The following PPP2R3B variants were observed in gnomAD, a reference collection of about 807,000 sequenced individuals.
PPP2R3B encodes the protein protein phosphatase 2 regulatory subunit B''beta.
In PPP2R3B, 68 loss-of-function variants were observed where a neutral mutation model predicts 72.9. The observed-to-expected ratio is 0.93, with a 90% CI of 0.77 to 1.14. The LOEUF (loss-of-function observed/expected upper bound fraction) is 1.14. PPP2R3B is among the 50% of genes most tolerant of loss of function. PPP2R3B has a pLI of 0.00. For missense variants in PPP2R3B, 1,018 were observed against 842.0 expected, an observed-to-expected ratio of 1.21 and a Z score of -2.59; for synonymous variants, 466 against 375.8, an observed-to-expected ratio of 1.24 and a Z score of -2.78.
chrX:345,467 G>A (rs1331141040), intron 7 of PPP2R3B, 49 bp downstream of exon 7: 3 of 1,609,214 alleles, frequency 1.9e-6, no homozygotes, highest in Non-Finnish European at 2.5e-6. Flanking sequence ...CTGAGAGAAG[G>A]GTGTGCTCGG....
At chrX:350,146 C>T (rs1185717651) in intron 2 of PPP2R3B, among the ~76,000 whole-genome samples, 1 of 152,196 alleles carries the variant, frequency 6.6e-6, no homozygotes, top group Admixed American at 6.5e-5. Flanking sequence ...CAGTCTCTGT[C>T]GGGCACCGGT....
At chrX:341,543 C>T in intron 8 of PPP2R3B, 147 bp from the exon 9 acceptor site, 1 of 846,096 alleles carries the variant, frequency 1.2e-6, no homozygotes, top group African/African-American at 1.7e-5. Flanking sequence ...TCCTGCCTCT[C>T]CGGGGAGGAG....
chrX:349,167 G>T (rs1374219298), intron 2 of PPP2R3B, among the ~76,000 whole-genome samples: 1 of 152,122 alleles, frequency 6.6e-6, no homozygotes, highest in Admixed American at 6.6e-5. Context: ...CGAGGCGATG[G>T]TGTTGGGAGG....
Position 363,848 on chromosome X carries a change from C to T in PPP2R3B, c.325-2258G>A, listed in dbSNP as rs1423799211. Among the ~76,000 whole-genome samples, 91 of 152,360 alleles carry T rather than the reference C, an allele frequency of 6.0e-4. 1 individual carries two copies. The highest frequency in any genetic ancestry group is 3.4e-3 in the Middle Eastern group (1 of 292). On this transcript the variant is annotated intron_variant, in intron 1 of 12. Coordinates refer to ENST00000390665, the MANE Select transcript of PPP2R3B (RefSeq NM_013239.5). ...TATTTGGGGTACGGAACTGACCCCG[C>T]GAATATTCTGCAGTGAGCTCTCGGG...
chrX:364,319 G>A (rs1285650318), intron 1 of PPP2R3B, among the ~76,000 whole-genome samples: 2 of 152,028 alleles, frequency 1.3e-5, no homozygotes, highest in Non-Finnish European at 2.9e-5. Context: ...AGAACTGACG[G>A]CTACAGCCGA....
chrX:341,479 G>T (rs1344208752), intron 8 of PPP2R3B, 83 bp from the exon 9 acceptor site: 1 of 1,431,402 alleles, frequency 7.0e-7, no homozygotes, highest in Non-Finnish European at 9.8e-7. Context: ...CACGCGCCTC[G>T]GTGAGGGGAG....
chrX:371,831 C>G (rs753605585), intron 1 of PPP2R3B, among the ~76,000 whole-genome samples: 1 of 149,206 alleles, frequency 6.7e-6, no homozygotes, highest in South Asian at 2.1e-4. Flanking sequence ...CCACAAATAC[C>G]CCCAAATATG....
intron 2 of PPP2R3B, among the ~76,000 whole-genome samples, chrX:357,582 A>G (rs2071462435): frequency 6.6e-6 from 1 of 152,234 alleles, no homozygotes; most frequent in Admixed American, 6.5e-5. Context: ...TGATGCAGAT[A>G]CGATCAAGAT....
At chrX:364,666 T>C (rs1395468841) in intron 1 of PPP2R3B, among the ~76,000 whole-genome samples, 12 of 120,382 alleles carry the variant, frequency 1.0e-4, no homozygotes, top group East Asian at 2.9e-4. Flanking sequence ...TGCAGTGAGC[T>C]GAGATCGCAC....
At chrX:367,191 G>C (rs2071737692) in intron 1 of PPP2R3B, among the ~76,000 whole-genome samples, 2 of 152,086 alleles carry the variant, frequency 1.3e-5, no homozygotes, top group Non-Finnish European at 2.9e-5. Context: ...GGGATGAAGA[G>C]CAGGTCAGCG....
intron 9 of PPP2R3B, 131 bp from the exon 10 acceptor site, chrX:341,071 G>T: frequency 7.5e-7 from 1 of 1,328,650 alleles, no homozygotes; most frequent in Non-Finnish European, 1.0e-6. Context: ...GGGCGTGCAG[G>T]CATCCCCTGC....
At chrX:370,792 G>A (rs1346406909) in intron 1 of PPP2R3B, among the ~76,000 whole-genome samples, 2 of 152,212 alleles carry the variant, frequency 1.3e-5, no homozygotes, top group Admixed American at 6.5e-5. Context: ...CTGGCGGTGA[G>A]AGCAGGAGGT....
chrX:386,543 C>G lies in PPP2R3B; in HGVS notation c.149G>C (p.Gly50Ala). Residue 50 changes from glycine (G) to alanine (A), a missense_variant, in exon 1 of 13, where the codon GGG becomes GCG. Coordinates refer to ENST00000390665, the MANE Select transcript of PPP2R3B (RefSeq NM_013239.5). ...CCAGGCCCCGGGCTGCTCCCCGTCC[C>G]CCGGGGTCGGCTGGTCCCGCCCGGG... is the stretch of plus-strand genomic sequence containing the variant. Reference protein sequence around the residue: ...KAPGRDQPTPGDGEQPGAWPT... With the variant: ...KAPGRDQPTPADGEQPGAWPT... 1 of 1,432,192 alleles carries G rather than the reference C, an allele frequency of 7.0e-7. No individual in the cohort carries two copies. Among genetic ancestry groups the G allele is most frequent in the Non-Finnish European group, 9.2e-7 (1 of 1,090,148 alleles). The allele number at this position is 1,432,192 out of a possible 1,614,324, so 88.7% of individuals were successfully genotyped here. A position where few individuals can be genotyped will look rare whatever the true frequency, so the allele number is the denominator to read the frequency against.
At chrX:382,219 G>C (rs2072143566) in intron 1 of PPP2R3B, among the ~76,000 whole-genome samples, 1 of 140,362 alleles carries the variant, frequency 7.1e-6, no homozygotes, top group Non-Finnish European at 1.5e-5. Flanking sequence ...TTTTGAGACA[G>C]AGTGTCTCAC....
intron 7 of PPP2R3B, 108 bp from the exon 8 acceptor site, chrX:342,039 C>T (rs1176081872): frequency 2.3e-5 from 32 of 1,415,184 alleles, no homozygotes; most frequent in South Asian, 4.6e-5. Flanking sequence ...GCTGAGAGGA[C>T]GCCTGGGTCT....
chrX:345,234 C>A, intron 7 of PPP2R3B: 1 of 661,484 alleles, frequency 1.5e-6, no homozygotes, highest in Admixed American at 2.1e-5. Flanking sequence ...CACAGCGCTG[C>A]TGGCCCTCGG....
At chrX:372,225 C>T (rs939416380) in intron 1 of PPP2R3B, among the ~76,000 whole-genome samples, 9 of 152,202 alleles carry the variant, frequency 5.9e-5, no homozygotes, top group African/African-American at 2.2e-4. Flanking sequence ...TCGCCCTTAC[C>T]CACTTACAGG....
chrX:363,337 A>ATCCCACAATGCATCTCCCTGT (rs2071587316), intron 1 of PPP2R3B, among the ~76,000 whole-genome samples: 1 of 2,320 alleles, frequency 4.3e-4, no homozygotes. Context: ...CATCTCCCCG[A>ATCCCACAATGCATCTCCCTGT]GCCCACCATC....
At chrX:362,369 C>T (rs1261884352) in intron 1 of PPP2R3B, 1 of 152,724 alleles carries the variant, frequency 6.5e-6, no homozygotes, top group Admixed American at 6.5e-5. Flanking sequence ...CGTACTGCGT[C>T]CTCCTCCATC....
Sources: allele counts gnomAD v4.1 joint callset (sites outside exome capture counted in the v4.1 genomes callset), GRCh38; gene constraint gnomAD v4.1.1; transcripts MANE v1.5; gene names NCBI Gene and HGNC (gene_info 2026-07-23, HGNC 2026-07-21).